Variants in PFKP observed in about 807,000 individuals in gnomAD.
PFKP encodes the protein phosphofructokinase, platelet, also known as ATP-dependent 6-phosphofructokinase, platelet type.
Under a neutral mutation model 94.3 loss-of-function variants are expected in PFKP, and 101 were observed. That is an observed-to-expected ratio of 1.07 (90% CI 0.91 to 1.26). PFKP has a LOEUF of 1.26. Ranked by LOEUF, PFKP falls within the 50% of genes most tolerant of loss-of-function variation. The pLI, the probability that PFKP is intolerant of heterozygous loss-of-function variation, is 0.00. For missense variants in PFKP, 1,145 were observed against 1,103.3 expected (o/e 1.04, Z -0.53); for synonymous variants, 573 against 432.6 (o/e 1.32, Z -4.03).
At position 3,132,444 on chromosome 10, in the gene PFKP, G is replaced by A. The variant is rs754064388; in HGVS notation, c.1910+3G>A. 4 of 1,565,056 alleles carry A rather than the reference G, an allele frequency of 2.6e-6. No individual in the cohort carries two copies. Among genetic ancestry groups the A allele is most frequent in the South Asian group, 2.2e-5 (2 of 89,702 alleles). ...ATCCAGAGAGGCCTTGTGCTCAGGT[G>A]AGAGAGAGAGACCAGGGGCTGATCT... On this transcript the variant is annotated splice_donor_region_variant and intron_variant, in intron 18 of 21. Transcript: ENST00000381125.
intron 1 of PFKP, among the ~76,000 whole-genome samples, chr10:3,080,624 C>T (rs938758574): frequency 1.3e-5 from 2 of 152,098 alleles, no homozygotes; most frequent in East Asian, 1.9e-4. Flanking sequence ...ACTCGCACAG[C>T]CCAACAGCAA....
intron 4 of PFKP, 58 bp downstream of exon 4, chr10:3,101,612 A>G: frequency 7.9e-7 from 1 of 1,262,422 alleles, no homozygotes; most frequent in Non-Finnish European, 1.1e-6. Context: ...AGAGCTTTGG[A>G]ACCGACAGGT....
At chr10:3,124,657 C>T (rs1286681305) in intron 16 of PFKP, among the ~76,000 whole-genome samples, 1 of 152,200 alleles carries the variant, frequency 6.6e-6, no homozygotes, top group African/African-American at 2.4e-5. Context: ...TTGGTGTGGT[C>T]CTTACAGCCG....
intron 2 of PFKP, among the ~76,000 whole-genome samples, chr10:3,096,941 G>A (rs191865408): frequency 1.6e-5 from 2 of 121,228 alleles, no homozygotes; most frequent in Non-Finnish European, 3.6e-5. Context: ...AGCCGGGCGT[G>A]GTGGCGGGTG....
At position 3,103,979 on chromosome 10, in the gene PFKP, G is replaced by A. The variant is rs748248627; in HGVS notation, c.620+35G>A. ...TCAGAGGAACCGGCGGGAGGCCAGT[G>A]GGGCCCGACGTGTGCCCAGCTCAGA... On this transcript the variant is annotated intron_variant, in intron 5 of 21. Coordinates refer to ENST00000381125, the MANE Select transcript of PFKP (RefSeq NM_002627.5). The A allele has an allele frequency of 1.1e-5, 18 of 1,600,200 alleles. No individual in the cohort carries two copies. The Admixed American group carries it at 2.2e-4, about 20-fold the overall frequency.
intron 2 of PFKP, among the ~76,000 whole-genome samples, chr10:3,095,050 G>A (rs1463281728): frequency 2.0e-5 from 3 of 152,144 alleles, no homozygotes; most frequent in Admixed American, 1.3e-4. Flanking sequence ...ACCATTTGGA[G>A]TTAGTTGAGT....
chr10:3,105,808 A>G lies in PFKP; in HGVS notation c.774+307A>G, dbSNP rs570234307. Among the ~76,000 whole-genome samples the G allele has an allele frequency of 1.4e-4, 21 of 152,262 alleles. 1 individual carries two copies. In the East Asian group the frequency reaches 3.1e-3, roughly 22 times the overall value. The stretch of plus-strand genomic sequence containing the variant: ...GCACTGTTGGCTCCAGGCTCCACAC[A>G]GCCACCCCTATCATTTTCTATGGGT... On this transcript the variant is annotated intron_variant, in intron 7 of 21. Coordinates refer to ENST00000381125, the MANE Select transcript of PFKP (RefSeq NM_002627.5).
chr10:3,122,205 T>C (rs190908445), intron 16 of PFKP, among the ~76,000 whole-genome samples: 30 of 148,148 alleles, frequency 2.0e-4, no homozygotes, highest in African/African-American at 6.8e-4. Context: ...ACAGCCACCT[T>C]GGTAAGTGCA....
chr10:3,080,868 G>A (rs1170610180), intron 1 of PFKP, among the ~76,000 whole-genome samples: 2 of 152,214 alleles, frequency 1.3e-5, no homozygotes, highest in South Asian at 2.1e-4. Context: ...GAGCCAGCAA[G>A]GGTGTTAGCA....
chr10:3,119,764 G>GGTCTT, intron 15 of PFKP, 128 bp from the exon 16 acceptor site: 1 of 657,912 alleles, frequency 1.5e-6, no homozygotes, highest in Non-Finnish European at 2.6e-6. Flanking sequence ...TGATCTCGGA[G>GGTCTT]TGTTTTCGTG....
chr10:3,116,133 AAT>A (rs140713081), intron 13 of PFKP, among the ~76,000 whole-genome samples: 3 of 150,934 alleles, frequency 2.0e-5, no homozygotes, highest in African/African-American at 4.9e-5. Context: ...GGTTCTGTCA[AAT>A]ATATATATAT....
chr10:3,100,289 G>A (rs562966863), intron 3 of PFKP, among the ~76,000 whole-genome samples: 31 of 152,010 alleles, frequency 2.0e-4, no homozygotes, highest in Non-Finnish European at 4.0e-4. Context: ...CCTGCTCTGC[G>A]CCCCCACCCT....
intron 10 of PFKP, 27 bp downstream of exon 10, chr10:3,109,507 CAG>C: frequency 6.3e-7 from 1 of 1,597,990 alleles, no homozygotes; most frequent in Non-Finnish European, 8.5e-7. Context: ...TGGCCAAGGG[CAG>C]GGCGGAGACG....
intron 1 of PFKP, among the ~76,000 whole-genome samples, chr10:3,069,069 G>C (rs949175745): frequency 6.6e-6 from 1 of 151,182 alleles, no homozygotes; most frequent in African/African-American, 2.4e-5. Flanking sequence ...CCGGCCCGTC[G>C]TCTCCACGAG....
chr10:3,123,163 C>G lies in PFKP; in HGVS notation c.1683+3119C>G, dbSNP rs996773856. Among the ~76,000 whole-genome samples the G allele has an allele frequency of 3.9e-5, 6 of 152,314 alleles. 1 individual carries two copies. The highest frequency in any genetic ancestry group is 3.3e-4 in the Admixed American group (5 of 15,302). On this transcript the variant is annotated intron_variant, in intron 16 of 21. Transcript: ENST00000381125. The stretch of plus-strand genomic sequence containing the variant: ...TACCTCAGAGCCGGTGTGACACGTT[C>G]TCAGGATACGGCTGCAGGGAGTTTC...
intron 1 of PFKP, among the ~76,000 whole-genome samples, chr10:3,076,910 A>T (rs1832640787): frequency 6.6e-6 from 1 of 152,132 alleles, no homozygotes; most frequent in African/African-American, 2.4e-5. Context: ...CAGCACCTTG[A>T]CAGAATCTGC....
rs762994838 is a variant in PFKP, at chr10:3,082,383, T to C, written c.113-5T>C. On this transcript the variant is annotated splice_region_variant and splice_polypyrimidine_tract_variant and intron_variant, in intron 1 of 21. Coordinates refer to ENST00000381125, the MANE Select transcript of PFKP (RefSeq NM_002627.5). ...CAGTGACTCTTGCTCCTGTTTCCACTGCAGGTATGAACGCTGCCGTCCGTG... is the reference window on the plus strand; with the variant it reads ...CAGTGACTCTTGCTCCTGTTTCCACCGCAGGTATGAACGCTGCCGTCCGTG... 1 of 1,603,872 alleles carries C rather than the reference T, an allele frequency of 6.2e-7. No homozygotes were observed. The highest frequency in any genetic ancestry group is 8.5e-7 in the Non-Finnish European group (1 of 1,173,108).
chr10:3,133,315 G>A lies in PFKP; in HGVS notation c.2022+1G>A. On this transcript the variant is annotated splice_donor_variant, in intron 19 of 21. Transcript: ENST00000381125. LOFTEE classifies it high-confidence loss of function. ...GAACGTGCTGGGTCACATGCAGCAG[G>A]TAGGCCCGAGACTGCATGAGGGGCC... is the stretch of plus-strand genomic sequence containing the variant. 6.3e-7 allele frequency: 1 copy of A among 1,598,264 alleles called. No individual in the cohort carries two copies. Among genetic ancestry groups the A allele is most frequent in the African/African-American group, 1.3e-5 (1 of 74,700 alleles).
At chr10:3,121,062 T>TA (rs35568047) in intron 16 of PFKP, among the ~76,000 whole-genome samples, 23,727 of 152,200 alleles carry the variant, frequency 0.16, 1,917 homozygotes, top group Admixed American at 0.19. Flanking sequence ...CACTGGTAAA[T>TA]AAAAAAACAA....
Sources: gnomAD v4.1 joint callset for allele counts (sites outside exome capture counted in the v4.1 genomes callset) on GRCh38, gnomAD v4.1.1 for gene constraint, MANE v1.5 for transcripts, NCBI Gene and HGNC (gene_info 2026-07-23, HGNC 2026-07-21) for gene names.